The following PIGL variants were observed in gnomAD, a reference collection of about 807,000 sequenced individuals.
PIGL encodes the protein phosphatidylinositol glycan anchor biosynthesis class L.
A neutral mutation model predicts 31.1 loss-of-function variants in PIGL; 22 were observed. The ratio of observed to expected loss-of-function variants is 0.71; its 90% CI spans 0.51 to 1.01. The LOEUF is 1.01. Ranked by LOEUF, PIGL falls within the 50% of genes least tolerant of loss-of-function variation. The pLI is 0.00. For missense variants in PIGL, 302 were observed against 315.9 expected (o/e 0.96, Z 0.33); for synonymous variants, 131 against 117.4 (o/e 1.12, Z -0.75).
intron 2 of PIGL, among the ~76,000 whole-genome samples, chr17:16,277,568 C>G (rs1024314398): frequency 6.6e-6 from 1 of 152,158 alleles, no homozygotes; most frequent in Non-Finnish European, 1.5e-5. Flanking sequence ...CAGTTAACTC[C>G]TGTTTTGCTT....
intron 2 of PIGL, among the ~76,000 whole-genome samples, chr17:16,271,948 C>T (rs2092874889): frequency 6.6e-6 from 1 of 152,048 alleles, no homozygotes; most frequent in East Asian, 1.9e-4. Context: ...TGGTTTCAAA[C>T]TCCTGGCCTC....
At chr17:16,272,931 G>A (rs1170704756) in intron 2 of PIGL, among the ~76,000 whole-genome samples, 2 of 152,148 alleles carry the variant, frequency 1.3e-5, no homozygotes, top group African/African-American at 4.8e-5. Context: ...AAAAACTGGT[G>A]CCCCACTGAG....
At chr17:16,252,106 G>A (rs1037890185) in intron 2 of PIGL, among the ~76,000 whole-genome samples, 4 of 139,042 alleles carry the variant, frequency 2.9e-5, no homozygotes, top group Non-Finnish European at 6.0e-5. Flanking sequence ...ACAGAGTCTC[G>A]CTCTGTCGCC....
Position 16,313,602 on chromosome 17 carries a change from A to T in PIGL, c.482A>T (p.Tyr161Phe). 6.2e-7 allele frequency: 1 copy of T among 1,612,496 alleles called. No homozygotes were observed. Among genetic ancestry groups the T allele is most frequent in the African/African-American group, 1.3e-5 (1 of 75,030 alleles). The change falls in exon 4 of 7, where the codon TAT becomes TTT. Residue 161 changes from tyrosine to phenylalanine, a missense_variant. Transcript: ENST00000225609. ...GGCCACAGCAATCACATTGCTCTGT[A>T]TGCAGCTGTGAGGTATGATTCTCCG... is the stretch of plus-strand genomic sequence containing the variant. ...VSGHSNHIAL[Y>F]AAVRALHSEG...
chr17:16,268,790 T>A (rs552463994), intron 2 of PIGL, among the ~76,000 whole-genome samples: 2 of 151,012 alleles, frequency 1.3e-5, no homozygotes, highest in South Asian at 4.2e-4. Flanking sequence ...TAGATGGGAG[T>A]CTTGTTCTGT....
At chr17:16,217,631 CTG>C in intron 1 of PIGL, 170 bp downstream of exon 1, 6 of 542,308 alleles carry the variant, frequency 1.1e-5, no homozygotes, top group Admixed American at 3.5e-5. Context: ...GCCGGCTTAC[CTG>C]GTGGGTTGGG....
intron 6 of PIGL, among the ~76,000 whole-genome samples, chr17:16,319,997 AGAACCAAGTC>A (rs1286282204): frequency 6.6e-6 from 1 of 151,540 alleles, no homozygotes; most frequent in African/African-American, 2.4e-5. Flanking sequence ...AACAAGTGAA[AGAACCAAGTC>A]GGGGATTGTG....
intron 2 of PIGL, among the ~76,000 whole-genome samples, chr17:16,298,757 G>A (rs2092992549): frequency 6.6e-6 from 1 of 152,096 alleles, no homozygotes; most frequent in South Asian, 2.1e-4. Flanking sequence ...GCCAGGTGCA[G>A]TGGCTCACGC....
chr17:16,242,644 CTTTTTTTTT>C lies in PIGL; in HGVS notation c.335+8593_335+8601del, dbSNP rs35572629. Among the ~76,000 whole-genome samples the C allele has an allele frequency of 1.6e-4, 13 of 79,058 alleles. 1 individual carries two copies. In the South Asian group the frequency reaches 2.3e-3, roughly 14 times the overall value. The allele number at this position is 79,058 out of a possible 152,430, so 51.9% of individuals were successfully genotyped here. On this transcript the variant is annotated intron_variant, in intron 2 of 6. Transcript: ENST00000225609. ...AACATATGCCTCTTATTTCTGATTC[CTTTTTTTTT>C]TTTTTTTTTTTTTTTTTTGAGACAG...
At chr17:16,231,455 G>C (rs1179129329) in intron 1 of PIGL, among the ~76,000 whole-genome samples, 2 of 151,700 alleles carry the variant, frequency 1.3e-5, no homozygotes, top group Admixed American at 1.3e-4. Context: ...GACCAGGCTG[G>C]TTTTGAACTC....
chr17:16,283,399 T>C (rs1186510828), intron 2 of PIGL, among the ~76,000 whole-genome samples: 1 of 152,084 alleles, frequency 6.6e-6, no homozygotes, highest in Non-Finnish European at 1.5e-5. Flanking sequence ...TCCTAGGAGG[T>C]TGAGGCTGCA....
intron 4 of PIGL, among the ~76,000 whole-genome samples, chr17:16,316,227 A>G (rs1432572125): frequency 6.6e-6 from 1 of 152,106 alleles, no homozygotes. Flanking sequence ...CCCTCCTCTT[A>G]AGGTGGCGAG....
chr17:16,272,988 T>G (rs1215196265), intron 2 of PIGL, among the ~76,000 whole-genome samples: 2 of 152,230 alleles, frequency 1.3e-5, no homozygotes, highest in African/African-American at 4.8e-5. Context: ...TGAGAGGACA[T>G]GGGAGGAACA....
At chr17:16,222,917 CAGG>C (rs1461401219) in intron 1 of PIGL, among the ~76,000 whole-genome samples, 1 of 151,984 alleles carries the variant, frequency 6.6e-6, no homozygotes, top group Non-Finnish European at 1.5e-5. Flanking sequence ...GAGGCTGAGA[CAGG>C]AGAATCGCTT....
At chr17:16,232,558 C>T (rs1402438927) in intron 1 of PIGL, among the ~76,000 whole-genome samples, 1 of 152,068 alleles carries the variant, frequency 6.6e-6, no homozygotes, top group East Asian at 1.9e-4. Flanking sequence ...AAACTGGCCC[C>T]AATAAAACAC....
chr17:16,292,774 C>G (rs1346151477), intron 2 of PIGL, among the ~76,000 whole-genome samples: 3 of 152,150 alleles, frequency 2.0e-5, no homozygotes, highest in Non-Finnish European at 2.9e-5. Context: ...GGCTCACTCC[C>G]CAGAGTCCTT....
At chr17:16,267,820 C>T (rs1195096260) in intron 2 of PIGL, among the ~76,000 whole-genome samples, 1 of 152,136 alleles carries the variant, frequency 6.6e-6, no homozygotes, top group Non-Finnish European at 1.5e-5. Flanking sequence ...TAAGAGCCAG[C>T]CCAGGGGGTG....
rs951910570 is a variant in PIGL at position 16,255,843 on chromosome 17, A to G, written c.335+21773A>G. Among the ~76,000 whole-genome samples, 110 of 152,334 alleles carry G rather than the reference A, an allele frequency of 7.2e-4. 1 individual carries two copies. The highest frequency in any genetic ancestry group is 1.5e-4 in the Non-Finnish European group (10 of 68,038). The stretch of plus-strand genomic sequence containing the variant: ...GAAGGGCAGGGCTCTGGTTCTCCCA[A>G]AGGGTGCAAAGGACAAGAATGTTTC... On this transcript the variant is annotated intron_variant, in intron 2 of 6. Transcript: ENST00000225609.
At position 16,233,595 on chromosome 17, in the gene PIGL, T is replaced by C. The variant is rs370187120; in HGVS notation, c.236-376T>C. Among the ~76,000 whole-genome samples, 27 of 152,294 alleles carry C rather than the reference T, an allele frequency of 1.8e-4. 1 individual carries two copies. The East Asian group carries it at 4.4e-3, about 25-fold the overall frequency. Reference sequence around the variant, plus strand: ...TCAATGTTAAACAGGATTTGAGGACTGTCAATGAAGAGGGGGCCCCAGTTG... The same window carrying C: ...TCAATGTTAAACAGGATTTGAGGACCGTCAATGAAGAGGGGGCCCCAGTTG... On this transcript the variant is annotated intron_variant, in intron 1 of 6. Coordinates refer to ENST00000225609, the MANE Select transcript of PIGL (RefSeq NM_004278.4).
Sources: gnomAD v4.1 joint callset for allele counts (sites outside exome capture counted in the v4.1 genomes callset) on GRCh38, gnomAD v4.1.1 for gene constraint, MANE v1.5 for transcripts, NCBI Gene and HGNC (gene_info 2026-07-23, HGNC 2026-07-21) for gene names.